AKT3: variants seen among roughly 807,000 people sequenced by gnomAD.
The protein encoded by AKT3 is AKT serine/threonine kinase 3.
Under a neutral mutation model 65.3 loss-of-function variants are expected in AKT3, and 15 were observed. The observed-to-expected ratio is 0.23, with a 90% CI of 0.15 to 0.35. AKT3 has a LOEUF of 0.35. AKT3 is among the 10% of genes least tolerant of loss of function. AKT3 has a pLI of 1.00. For missense variants in AKT3, 243 were observed against 576.5 expected (o/e 0.42, Z 5.92); for synonymous variants, 206 against 183.8 (o/e 1.12, Z -0.98).
At chr1:243,637,929 A>C (rs935492829) in intron 5 of AKT3, among the ~76,000 whole-genome samples, 187 bp from the exon 6 acceptor site, 3 of 152,152 alleles carry the variant, frequency 2.0e-5, no homozygotes, top group Non-Finnish European at 4.4e-5. Flanking sequence ...AAAATAATTT[A>C]AGCAGTTCTC....
intron 8 of AKT3, among the ~76,000 whole-genome samples, chr1:243,602,469 A>T (rs969778919): frequency 2.0e-5 from 3 of 152,104 alleles, no homozygotes; most frequent in African/African-American, 7.2e-5. Flanking sequence ...AATCATCACT[A>T]TGAATATGAA....
rs1669401936 is a variant in AKT3 at position 243,502,768 on chromosome 1, T to C, written c.*2481A>G. On this transcript the variant is annotated 3_prime_UTR_variant, in exon 14 of 14. Coordinates refer to ENST00000673466, the MANE Select transcript of AKT3 (RefSeq NM_005465.7). Reference sequence around the variant, plus strand: ...AATAGAAGTGACTGAGCCCCAGGCATGGCTGGGAACTGAGAGCCAGTGTGA... The same window carrying C: ...AATAGAAGTGACTGAGCCCCAGGCACGGCTGGGAACTGAGAGCCAGTGTGA... 1 of 233,310 alleles carries C rather than the reference T, an allele frequency of 4.3e-6. No individual in the cohort carries two copies. The highest frequency in any genetic ancestry group is 8.5e-6 in the Non-Finnish European group (1 of 118,052). 14.5% of individuals were successfully genotyped at this position (233,310 alleles called of 1,614,324 possible). A position where few individuals can be genotyped will look rare whatever the true frequency, so the allele number is the denominator to read the frequency against.
chr1:243,762,776 G>A (rs979701613), intron 2 of AKT3, among the ~76,000 whole-genome samples: 2 of 152,006 alleles, frequency 1.3e-5, no homozygotes, highest in Admixed American at 6.6e-5. Flanking sequence ...TTTCTAGAAC[G>A]AACCAGAGCT....
Position 243,675,615 on chromosome 1 carries a change from C to T in AKT3, c.173-10732G>A, listed in dbSNP as rs74391716. On this transcript the variant is annotated intron_variant, in intron 3 of 13. Transcript: ENST00000673466. ...ACTCAAAATAATCTACAAGGCTGGC[C>T]TTTGTTACCCATGCCTTAACCAATT... Among the ~76,000 whole-genome samples the T allele has an allele frequency of 8.5e-5, 13 of 152,370 alleles. No homozygotes were observed. The East Asian group carries it at 2.5e-3, about 29-fold the overall frequency.
At chr1:243,806,646 T>TA (rs1692745934) in intron 2 of AKT3, among the ~76,000 whole-genome samples, 1 of 152,166 alleles carries the variant, frequency 6.6e-6, no homozygotes, top group East Asian at 1.9e-4. Context: ...CCTTGTACCT[T>TA]AGTAGGGTCT....
At chr1:243,815,500 T>C (rs1479070825) in intron 2 of AKT3, among the ~76,000 whole-genome samples, 1 of 152,186 alleles carries the variant, frequency 6.6e-6, no homozygotes, top group African/African-American at 2.4e-5. Context: ...AGGCTCTACA[T>C]GCTTTCACTA....
chr1:243,521,674 T>C (rs1670727282), intron 12 of AKT3, among the ~76,000 whole-genome samples: 1 of 152,180 alleles, frequency 6.6e-6, no homozygotes, highest in South Asian at 2.1e-4. Context: ...GGGCCCAAGG[T>C]ATATAACAAA....
chr1:243,758,008 C>T (rs1463890439), intron 2 of AKT3, among the ~76,000 whole-genome samples: 2 of 152,184 alleles, frequency 1.3e-5, no homozygotes, highest in Admixed American at 1.3e-4. Context: ...GGTGATCCAC[C>T]CGCCTCGGCC....
At chr1:243,781,786 G>A (rs915935883) in intron 2 of AKT3, among the ~76,000 whole-genome samples, 1 of 151,960 alleles carries the variant, frequency 6.6e-6, no homozygotes, top group Non-Finnish European at 1.5e-5. Flanking sequence ...ATGAAACCTG[G>A]AAAACTATTC....
At chr1:243,604,129 A>C (rs1358965507) in intron 8 of AKT3, among the ~76,000 whole-genome samples, 3 of 152,106 alleles carry the variant, frequency 2.0e-5, no homozygotes, top group African/African-American at 7.2e-5. Flanking sequence ...TCCTGGCCTC[A>C]GGTGATCCAC....
rs58956118 is a variant in AKT3, at chr1:243,560,064, C to A, written c.948+3656G>T. Among the ~76,000 whole-genome samples, 1,261 of 152,198 alleles carry A rather than the reference C, an allele frequency of 8.3e-3. 14 individuals carry two copies. Among genetic ancestry groups the A allele is most frequent in the African/African-American group, 0.029 (1,191 of 41,536 alleles). On this transcript the variant is annotated intron_variant, in intron 10 of 13. Coordinates refer to ENST00000673466, the MANE Select transcript of AKT3 (RefSeq NM_005465.7). ...CACAGGATCAAATCTAAAACTGTTA[C>A]ATTTCAATCCCTATCTATGTGTCCA...
chr1:243,736,915 T>C (rs1687879031), intron 2 of AKT3, among the ~76,000 whole-genome samples: 2 of 152,186 alleles, frequency 1.3e-5, no homozygotes, highest in South Asian at 4.1e-4. Context: ...GCTGAATAAA[T>C]GAACCGTCAC....
intron 1 of AKT3, among the ~76,000 whole-genome samples, chr1:243,845,023 C>T (rs934310610): frequency 3.3e-5 from 5 of 152,280 alleles, no homozygotes; most frequent in South Asian, 4.1e-4. Context: ...ACTACACAAA[C>T]ATACTCTCTC....
In AKT3 at chr1:243,502,114, TTAAA is replaced by T. The variant is rs903341232; in HGVS notation, c.*3131_*3134del. 1.7e-5 allele frequency: 4 copies of T among 232,078 alleles called. No individual in the cohort carries two copies. Among genetic ancestry groups the T allele is most frequent in the Non-Finnish European group, 2.6e-5 (3 of 117,462 alleles). 14.4% of individuals were successfully genotyped at this position (232,078 alleles called of 1,614,324 possible). A position where few individuals can be genotyped will look rare whatever the true frequency, so the allele number is the denominator to read the frequency against. ...ACCAATTTAGAGGTTTTCTTTTTAT[TTAAA>T]TAAATACTTTACATTTCATGCTTGC... is the stretch of plus-strand genomic sequence containing the variant. On this transcript the variant is annotated 3_prime_UTR_variant, in exon 14 of 14. Coordinates refer to ENST00000673466, the MANE Select transcript of AKT3 (RefSeq NM_005465.7).
intron 12 of AKT3, among the ~76,000 whole-genome samples, chr1:243,514,696 G>A (rs1395414055): frequency 6.6e-6 from 1 of 152,120 alleles, no homozygotes; most frequent in African/African-American, 2.4e-5. Flanking sequence ...TGTGGCAGCG[G>A]GCGCCTGTAG....
chr1:243,712,931 T>C (rs1455071976), intron 2 of AKT3, among the ~76,000 whole-genome samples: 3 of 152,334 alleles, frequency 2.0e-5, no homozygotes, highest in East Asian at 1.9e-4. Flanking sequence ...TTGTCATTTA[T>C]AGAATCCATG....
At chr1:243,609,233 T>A (rs1298677334) in intron 8 of AKT3, among the ~76,000 whole-genome samples, 1 of 151,830 alleles carries the variant, frequency 6.6e-6, no homozygotes. Flanking sequence ...ATAACTATTT[T>A]AAAATACATC....
At chr1:243,745,606 T>C (rs189449301) in intron 2 of AKT3, among the ~76,000 whole-genome samples, 1 of 152,336 alleles carries the variant, frequency 6.6e-6, no homozygotes, top group East Asian at 1.9e-4. Flanking sequence ...TTGTCCAACC[T>C]GTGACCCTCA....
intron 2 of AKT3, among the ~76,000 whole-genome samples, chr1:243,699,208 C>A (rs1370584580): frequency 6.6e-6 from 1 of 151,944 alleles, no homozygotes; most frequent in Non-Finnish European, 1.5e-5. Flanking sequence ...TCTAAGTTTA[C>A]ACATGATGCA....
Sources: allele counts gnomAD v4.1 joint callset (sites outside exome capture counted in the v4.1 genomes callset), GRCh38; gene constraint gnomAD v4.1.1; transcripts MANE v1.5; gene names NCBI Gene and HGNC (gene_info 2026-07-23, HGNC 2026-07-21).